Variants in BCAS3 observed in about 807,000 individuals in gnomAD.
BCAS3 encodes the protein BCAS3 microtubule associated cell migration factor, also known as BCAS4/BCAS3 fusion.
A neutral mutation model predicts 116.1 loss-of-function variants in BCAS3; 53 were observed. That is an observed-to-expected ratio of 0.46 (90% CI 0.37 to 0.57). The LOEUF (loss-of-function observed/expected upper bound fraction) is 0.57. Ranked by LOEUF, BCAS3 falls within the 20% of genes least tolerant of loss-of-function variation. BCAS3 has a pLI of 0.00. For missense variants in BCAS3, 917 were observed against 1,165.4 expected (o/e 0.79, Z 3.10); for synonymous variants, 391 against 408.2 (o/e 0.96, Z 0.51).
rs1157356852 is a variant in BCAS3 at position 61,228,028 on chromosome 17, G to C, written c.2426-140299G>C. Among the ~76,000 whole-genome samples, 1 of 152,042 alleles carries C rather than the reference G, an allele frequency of 6.6e-6. No individual in the cohort carries two copies. The highest frequency in any genetic ancestry group is 6.6e-5 in the Admixed American group (1 of 15,244). On this transcript the variant is annotated intron_variant, in intron 22 of 23. Transcript: ENST00000407086. The surrounding 1 kb of genome is among the most constrained non-coding windows in gnomAD (Gnocchi z 5.0). ...ACTGTCCTTTCCAATTTCCAGCACA[G>C]GTTTTGCATCTGGTTTTCCTAAGAA...
In BCAS3 at chr17:61,309,784, G is replaced by T. The variant is rs1273443451; in HGVS notation, c.2426-58543G>T. Among the ~76,000 whole-genome samples the T allele has an allele frequency of 6.6e-6, 1 of 152,148 alleles. No individual in the cohort carries two copies. ...ATGGGTTGAGGAGGCAGTACAGGGTGACAAGAGGGAGCCCGAGAGCCCCCC... is the reference window on the plus strand; with the variant it reads ...ATGGGTTGAGGAGGCAGTACAGGGTTACAAGAGGGAGCCCGAGAGCCCCCC... On this transcript the variant is annotated intron_variant, in intron 22 of 23. Transcript: ENST00000407086. The surrounding 1 kb of genome is among the most constrained non-coding windows in gnomAD (Gnocchi z 4.6).
intron 22 of BCAS3, among the ~76,000 whole-genome samples, chr17:61,127,257 A>C (rs1264758292): frequency 6.6e-6 from 1 of 152,134 alleles, no homozygotes; most frequent in African/African-American, 2.4e-5. Context: ...AGGGGTCTCT[A>C]TTCCATGTTA....
At chr17:60,899,762 C>G (rs915431665) in intron 10 of BCAS3, 5 of 152,000 alleles carry the variant, frequency 3.3e-5, no homozygotes, top group African/African-American at 1.2e-4. Flanking sequence ...TCCCAAAATG[C>G]TGAGGTTACA....
At chr17:60,929,377 C>G (rs2059522625) in intron 13 of BCAS3, among the ~76,000 whole-genome samples, 1 of 152,080 alleles carries the variant, frequency 6.6e-6, no homozygotes, top group Non-Finnish European at 1.5e-5. Flanking sequence ...GCAGTGAGCT[C>G]TGATCCCACC....
At chr17:61,373,431 A>C (rs986657259) in intron 23 of BCAS3, among the ~76,000 whole-genome samples, 1 of 150,262 alleles carries the variant, frequency 6.7e-6, no homozygotes, top group African/African-American at 2.5e-5. Flanking sequence ...TGCAGGAAGT[A>C]TCTGTTTGCT....
Position 61,387,447 on chromosome 17 carries a change from A to G in BCAS3, c.2594-4530A>G, listed in dbSNP as rs963156437. Among the ~76,000 whole-genome samples the G allele has an allele frequency of 6.6e-6, 1 of 152,078 alleles. No individual in the cohort carries two copies. Among genetic ancestry groups the G allele is most frequent in the African/African-American group, 2.4e-5 (1 of 41,400 alleles). ...ACCTCTGAGTTTGGATGGGCTCCAT[A>G]TGGAGTGGGGCAGCATGAGGATCCA... On this transcript the variant is annotated intron_variant, in intron 23 of 23. Coordinates refer to ENST00000407086, the MANE Select transcript of BCAS3 (RefSeq NM_017679.5). This position sits in a 1 kb window ranked among gnomAD's most constrained non-coding sequence, Gnocchi z 6.2.
At chr17:60,954,380 T>G (rs2061010183) in intron 14 of BCAS3, among the ~76,000 whole-genome samples, 1 of 152,172 alleles carries the variant, frequency 6.6e-6, no homozygotes, top group South Asian at 2.1e-4. Flanking sequence ...TTTAAAATAG[T>G]TTGGGAATCT....
chr17:61,322,834 G>GAGAGAGAGAGAGAGAGAC lies in BCAS3; in HGVS notation c.2426-45476_2426-45475insCAGAGAGAGAGAGAGAGA, dbSNP rs1568850631. 1.3e-3 allele frequency among the ~76,000 whole-genome samples: 177 copies of GAGAGAGAGAGAGAGAGAC among 131,772 alleles called. 1 individual carries two copies. Among genetic ancestry groups the GAGAGAGAGAGAGAGAGAC allele is most frequent in the African/African-American group, 5.2e-3 (154 of 29,538 alleles). The allele number at this position is 131,772 out of a possible 152,430, so 86.4% of individuals were successfully genotyped here. On this transcript the variant is annotated intron_variant, in intron 22 of 23. Coordinates refer to ENST00000407086, the MANE Select transcript of BCAS3 (RefSeq NM_017679.5). ...AGAGAGAGAGAGAGAGAGAGACAGA[G>GAGAGAGAGAGAGAGAGAC]AGAGAGAGAGAGAGAGAGAGACAGA... is the stretch of plus-strand genomic sequence containing the variant.
Position 61,388,770 on chromosome 17 carries a change from A to AG in BCAS3, c.2594-3201dup. The stretch of plus-strand genomic sequence containing the variant: ...GGGCTGGGCGGCCGGGATGACTTGG[A>AG]GGGGGGAATCTGAGCAGCCCTCCTC... On this transcript the variant is annotated intron_variant, in intron 23 of 23. Coordinates refer to ENST00000407086, the MANE Select transcript of BCAS3 (RefSeq NM_017679.5). The surrounding 1 kb of genome is among the most constrained non-coding windows in gnomAD (Gnocchi z 6.5). 1 of 1,461,766 alleles carries AG rather than the reference A, an allele frequency of 6.8e-7. No individual in the cohort carries two copies. The allele number at this position is 1,461,766 out of a possible 1,614,324, so 90.5% of individuals were successfully genotyped here. A position where few individuals can be genotyped will look rare whatever the true frequency, so the allele number is the denominator to read the frequency against.
At chr17:61,025,781 C>T (rs556083507) in intron 16 of BCAS3, among the ~76,000 whole-genome samples, 18 of 152,146 alleles carry the variant, frequency 1.2e-4, no homozygotes, top group Non-Finnish European at 2.1e-4. Context: ...TTATCTCTTG[C>T]GTGTCTCTGT....
chr17:61,129,002 G>A (rs1374135927), intron 22 of BCAS3, among the ~76,000 whole-genome samples: 1 of 152,212 alleles, frequency 6.6e-6, no homozygotes, highest in Non-Finnish European at 1.5e-5. Flanking sequence ...TTTGGCAGCT[G>A]ATCCAGCCAA....
rs376706610 is a variant in BCAS3 at position 61,200,631 on chromosome 17, T to C, written c.2425+116067T>C. Among the ~76,000 whole-genome samples, 4 of 152,132 alleles carry C rather than the reference T, an allele frequency of 2.6e-5. No homozygotes were observed. Among genetic ancestry groups the C allele is most frequent in the African/African-American group, 9.7e-5 (4 of 41,440 alleles). ...TATTTCTTTTGATTATCAATGCGGG[T>C]GGTAGTGAGGTATCCTCAGCTGTTT... On this transcript the variant is annotated intron_variant, in intron 22 of 23. Transcript: ENST00000407086. The surrounding 1 kb of genome is among the most constrained non-coding windows in gnomAD (Gnocchi z 5.1).
At chr17:61,050,877 G>T (rs1272909010) in intron 19 of BCAS3, among the ~76,000 whole-genome samples, 1 of 151,892 alleles carries the variant, frequency 6.6e-6, no homozygotes, top group Non-Finnish European at 1.5e-5. Context: ...AATCTTCTCG[G>T]CTCTAAAACA....
chr17:60,835,494 A>G (rs2051292018), intron 7 of BCAS3, among the ~76,000 whole-genome samples: 1 of 152,108 alleles, frequency 6.6e-6, no homozygotes, highest in Non-Finnish European at 1.5e-5. Context: ...AGCAACTTAA[A>G]TATTACATGT....
intron 22 of BCAS3, among the ~76,000 whole-genome samples, chr17:61,257,272 T>C (rs1279514089): frequency 6.6e-6 from 1 of 151,876 alleles, no homozygotes; most frequent in Non-Finnish European, 1.5e-5. Flanking sequence ...ATACAAAAAT[T>C]AGCTGGGTGT....
intron 6 of BCAS3, among the ~76,000 whole-genome samples, chr17:60,793,574 C>A (rs1212200381): frequency 1.3e-5 from 2 of 151,996 alleles, no homozygotes; most frequent in Non-Finnish European, 2.9e-5. Flanking sequence ...CCCCCCAAGT[C>A]CCCAAAGTCC....
At chr17:60,848,960 C>T (rs1353485458) in intron 7 of BCAS3, among the ~76,000 whole-genome samples, 1 of 151,810 alleles carries the variant, frequency 6.6e-6, no homozygotes, top group Non-Finnish European at 1.5e-5. Flanking sequence ...TTGAGATGAG[C>T]CAGAGGCTCA....
intron 6 of BCAS3, among the ~76,000 whole-genome samples, chr17:60,794,506 A>G (rs1243850874): frequency 1.3e-5 from 2 of 152,276 alleles, no homozygotes; most frequent in East Asian, 1.9e-4. Flanking sequence ...GGTTTTTCCA[A>G]TGTTATCTCC....
At position 61,388,430 on chromosome 17, in the gene BCAS3, C is replaced by A; in HGVS notation, c.2594-3547C>A. ...ACAGCAGATCCATCTCTGGGACCCC[C>A]AAGACAGATTGGTCCCCAGCCCCTA... is the stretch of plus-strand genomic sequence containing the variant. On this transcript the variant is annotated intron_variant, in intron 23 of 23. Coordinates refer to ENST00000407086, the MANE Select transcript of BCAS3 (RefSeq NM_017679.5). This position sits in a 1 kb window ranked among gnomAD's most constrained non-coding sequence, Gnocchi z 6.5. The A allele has an allele frequency of 1.7e-6, 1 of 574,002 alleles. No homozygotes were observed. The highest frequency in any genetic ancestry group is 2.1e-5 in the South Asian group (1 of 48,354). 35.6% of individuals were successfully genotyped at this position (574,002 alleles called of 1,614,324 possible).
Sources: gnomAD v4.1 joint callset for allele counts (sites outside exome capture counted in the v4.1 genomes callset) on GRCh38, gnomAD v4.1.1 for gene constraint, Gnocchi (gnomAD v3.1) non-coding constraint, MANE v1.5 for transcripts, NCBI Gene and HGNC (gene_info 2026-07-23, HGNC 2026-07-21) for gene names.